Variants in COL14A1 observed in about 807,000 individuals in gnomAD.
The protein encoded by COL14A1 is collagen alpha-1(XIV) chain.
COL14A1 carries 136 observed loss-of-function variants against 230.3 expected under a neutral mutation model. The observed-to-expected ratio is 0.59, with a 90% CI of 0.51 to 0.68. COL14A1 has a LOEUF of 0.68. COL14A1 is among the 30% of genes least tolerant of loss of function. COL14A1 has a pLI of 0.00. For missense variants in COL14A1, 1,976 were observed against 2,215.8 expected, an observed-to-expected ratio of 0.89 and a Z score of 2.17; for synonymous variants, 792 against 784.1, an observed-to-expected ratio of 1.01 and a Z score of -0.17.
intron 5 of COL14A1, among the ~76,000 whole-genome samples, chr8:120,179,028 C>T (rs754095827): frequency 6.6e-6 from 1 of 152,012 alleles, no homozygotes; most frequent in Non-Finnish European, 1.5e-5. Context: ...TGCCTGTTGC[C>T]TGTTCACTCT....
At chr8:120,148,069 C>A in intron 2 of COL14A1, 139 bp downstream of exon 2, 2 of 579,374 alleles carry the variant, frequency 3.5e-6, no homozygotes, top group East Asian at 3.3e-5. Context: ...GAAATATACA[C>A]ATCTTTGATG....
At chr8:120,276,280 G>A (rs1000809876) in intron 26 of COL14A1, among the ~76,000 whole-genome samples, 1 of 151,074 alleles carries the variant, frequency 6.6e-6, no homozygotes, top group Non-Finnish European at 1.5e-5. Flanking sequence ...AATACCGTAT[G>A]TTCTCACTTT....
At position 120,199,505 on chromosome 8, in the gene COL14A1, A is replaced by G. The variant is rs1817156424; in HGVS notation, c.816A>G (p.Gln272=). 4 of 1,613,158 alleles carry G rather than the reference A, an allele frequency of 2.5e-6. No homozygotes were observed. The highest frequency in any genetic ancestry group is 3.4e-6 in the Non-Finnish European group (4 of 1,179,678). The change falls in exon 8 of 48, where the codon CAA becomes CAG. Residue 272 remains glutamine, a synonymous_variant. Transcript: ENST00000297848. ...IGILITDGKS[Q]DDIIPPSRNL... ...TTTTAATCACAGATGGAAAATCCCA[A>G]GATGACATTATTCCACCATCTAGAA...
chr8:120,184,246 T>TTTAG (rs1288617340), intron 5 of COL14A1, among the ~76,000 whole-genome samples: 1 of 149,172 alleles, frequency 6.7e-6, no homozygotes, highest in Non-Finnish European at 1.5e-5. Flanking sequence ...TATTTATTTA[T>TTTAG]TTATTTATTT....
At position 120,263,509 on chromosome 8, in the gene COL14A1, G is replaced by A. The variant is rs756556970; in HGVS notation, c.3016+495G>A. 1.6e-4 allele frequency among the ~76,000 whole-genome samples: 25 copies of A among 152,168 alleles called. 1 individual carries two copies. The highest frequency in any genetic ancestry group is 6.5e-4 in the Admixed American group (10 of 15,276). ...CAGATGTGATGCACTAAAGGGAAAG[G>A]CAAAGTATAAAATTAAAACAAAGCT... On this transcript the variant is annotated intron_variant, in intron 24 of 47. Transcript: ENST00000297848.
Position 120,289,682 on chromosome 8 carries a change from C to A in COL14A1, c.4152C>A (p.Asn1384Lys), listed in dbSNP as rs77031072. 1.9e-6 allele frequency: 3 copies of A among 1,613,978 alleles called. No homozygotes were observed. Among genetic ancestry groups the A allele is most frequent in the East Asian group, 4.5e-5 (2 of 44,864 alleles). The change falls in exon 34 of 48, where the codon AAC becomes AAA. Residue 1384 changes from asparagine (N) to lysine (K), a missense_variant. By Grantham distance (94) the Asn-to-Lys change is moderately conservative. Around this residue, in one of 3 missense-constraint regions of COL14A1, gnomAD observed 1,791 missense variants for 2,019.5 expected, o/e 0.89. Coordinates refer to ENST00000297848, the MANE Select transcript of COL14A1 (RefSeq NM_021110.4). ...DCKQVGEKAMNASANITSDGV... is the reference protein window; with the variant it reads ...DCKQVGEKAMKASANITSDGV... ...AGCAAGTGGGTGAGAAGGCAATGAA[C>A]GCATCAGCTAATATCACGTCAGATG...
At chr8:120,304,004 C>T (rs1327709627) in intron 36 of COL14A1, among the ~76,000 whole-genome samples, 3 of 152,178 alleles carry the variant, frequency 2.0e-5, no homozygotes, top group South Asian at 4.1e-4. Context: ...TCCATCTCTT[C>T]TAGGTTTTCT....
At position 120,133,223 on chromosome 8, in the gene COL14A1, A is replaced by C. The variant is rs554585439; in HGVS notation, c.-38+7883A>C. On this transcript the variant is annotated intron_variant, in intron 1 of 47. Transcript: ENST00000297848. Reference sequence around the variant, plus strand: ...AGAGCGAAACTCCGTCTCAAACAAAAAAAAAATAAAAAAAAAAAAAATAAC... The same window carrying C: ...AGAGCGAAACTCCGTCTCAAACAAACAAAAAATAAAAAAAAAAAAAATAAC... 2.5e-3 allele frequency among the ~76,000 whole-genome samples: 364 copies of C among 146,358 alleles called. 1 individual carries two copies. Among genetic ancestry groups the C allele is most frequent in the Non-Finnish European group, 4.5e-3 (295 of 65,574 alleles).
intron 42 of COL14A1, among the ~76,000 whole-genome samples, chr8:120,340,536 G>A (rs1228347043): frequency 3.3e-5 from 5 of 152,148 alleles, no homozygotes; most frequent in African/African-American, 4.8e-5. Context: ...CCTTTTAGTC[G>A]AGACTATAAA....
At position 120,332,668 on chromosome 8, in the gene COL14A1, T is replaced by C. The variant is rs1201895809; in HGVS notation, c.4718T>C (p.Ile1573Thr). ...ATTTTCCTACCTCTCTTCTAGGGCA[T>C]TCCTGGCACCCCTGGAGTCCCAGGG... Reference protein sequence around the residue: ...GPPGPPGPIGIPGTPGVPGIT... With the variant: ...GPPGPPGPIGTPGTPGVPGIT... The change falls in exon 42 of 48, where the codon ATT becomes ACT. Residue 1573 changes from isoleucine to threonine, a missense_variant. By Grantham distance (89) the Ile-to-Thr change is moderately conservative (BLOSUM62 -1). Coordinates refer to ENST00000297848, the MANE Select transcript of COL14A1 (RefSeq NM_021110.4). 3 of 1,612,980 alleles carry C rather than the reference T, an allele frequency of 1.9e-6. No individual in the cohort carries two copies. The highest frequency in any genetic ancestry group is 2.5e-6 in the Non-Finnish European group (3 of 1,179,366).
chr8:120,249,424 C>T (rs947015316), intron 21 of COL14A1, among the ~76,000 whole-genome samples: 1 of 152,162 alleles, frequency 6.6e-6, no homozygotes, highest in Non-Finnish European at 1.5e-5. Context: ...GCTCCAGGCT[C>T]ATTCTCTGGG....
At chr8:120,309,692 AT>A (rs1351540093) in intron 36 of COL14A1, among the ~76,000 whole-genome samples, 1 of 152,184 alleles carries the variant, frequency 6.6e-6, no homozygotes, top group East Asian at 1.9e-4. Context: ...AACATATATA[AT>A]TTTGATTAAC....
chr8:120,216,540 A>T, intron 14 of COL14A1, 50 bp downstream of exon 14: 1 of 1,555,834 alleles, frequency 6.4e-7, no homozygotes, highest in Non-Finnish European at 8.7e-7. Flanking sequence ...CGTGCTAGTT[A>T]TTTATGGCTA....
intron 8 of COL14A1, among the ~76,000 whole-genome samples, chr8:120,202,492 T>C (rs1817281934): frequency 6.6e-6 from 1 of 152,168 alleles, no homozygotes; most frequent in Non-Finnish European, 1.5e-5. Flanking sequence ...ACGGGGATTA[T>C]AAAGAAATCC....
chr8:120,195,196 C>T (rs1000591441), intron 5 of COL14A1, among the ~76,000 whole-genome samples: 4 of 152,050 alleles, frequency 2.6e-5, no homozygotes, highest in African/African-American at 4.8e-5. Flanking sequence ...GCCTGGTAGG[C>T]GCAGAGACAC....
chr8:120,139,666 C>T (rs1563630873), intron 1 of COL14A1, among the ~76,000 whole-genome samples: 2 of 152,024 alleles, frequency 1.3e-5, no homozygotes, highest in Admixed American at 6.6e-5. Context: ...ATCATGCTAC[C>T]AATTAGAAAT....
At chr8:120,331,041 G>A (rs1403019828) in intron 40 of COL14A1, among the ~76,000 whole-genome samples, 3 of 147,742 alleles carry the variant, frequency 2.0e-5, no homozygotes, top group African/African-American at 7.5e-5. Flanking sequence ...GGAGGGGGAA[G>A]TTGCGATGAG....
intron 18 of COL14A1, among the ~76,000 whole-genome samples, chr8:120,228,998 C>G (rs990722392): frequency 2.0e-5 from 3 of 152,034 alleles, no homozygotes; most frequent in Non-Finnish European, 2.9e-5. Context: ...CACTCTACCT[C>G]TTTCATCTTT....
chr8:120,255,153 A>C, intron 22 of COL14A1, 87 bp from the exon 23 acceptor site: 1 of 1,030,798 alleles, frequency 9.7e-7, no homozygotes, highest in Non-Finnish European at 1.5e-6. Context: ...GCTTTGAATG[A>C]AAATTTTTCC....
Sources: allele counts gnomAD v4.1 joint callset (sites outside exome capture counted in the v4.1 genomes callset), GRCh38; gene constraint gnomAD v4.1.1; regional missense constraint gnomAD v4.1.1; transcripts MANE v1.5; gene names NCBI Gene and HGNC (gene_info 2026-07-23, HGNC 2026-07-21).